The following EXOC4 variants were observed in gnomAD, a reference collection of about 807,000 sequenced individuals.
EXOC4 encodes the protein exocyst complex component 4, also known as SEC8-like 1.
In EXOC4, 71 loss-of-function variants were observed where a neutral mutation model predicts 107.2. The ratio of observed to expected loss-of-function variants is 0.66; its 90% confidence interval spans 0.55 to 0.81. The LOEUF is 0.81. Among genes scored for constraint, EXOC4 ranks in the 30% least tolerant of loss-of-function variants. The pLI, the probability that EXOC4 is intolerant of heterozygous loss-of-function variation, is 0.00. For synonymous variants in EXOC4, 456 were observed against 441.2 expected (o/e 1.03, Z -0.42); for missense variants, 1,108 against 1,189.6 (o/e 0.93, Z 1.01).
intron 2 of EXOC4, among the ~76,000 whole-genome samples, chr7:133,281,023 G>A (rs978514214): frequency 4.9e-4 from 75 of 152,264 alleles, no homozygotes; most frequent in African/African-American, 1.8e-3. Context: ...AAGTTCAGGT[G>A]TGTGTGTATT....
chr7:133,366,487 C>T, intron 6 of EXOC4, among the ~76,000 whole-genome samples: 1 of 152,030 alleles, frequency 6.6e-6, no homozygotes, highest in East Asian at 1.9e-4. Flanking sequence ...ATTTTATTGC[C>T]ATATTATTAA....
At chr7:133,797,246 A>G (rs914451804) in intron 10 of EXOC4, among the ~76,000 whole-genome samples, 3 of 152,210 alleles carry the variant, frequency 2.0e-5, no homozygotes, top group African/African-American at 7.2e-5. Flanking sequence ...CCACTCTATT[A>G]ATAGAGCCAT....
chr7:133,794,042 C>T (rs28373748), intron 10 of EXOC4, among the ~76,000 whole-genome samples: 270 of 152,204 alleles, frequency 1.8e-3, no homozygotes, highest in African/African-American at 6.2e-3. Flanking sequence ...GTCTTTCCCT[C>T]CATATGCAGT....
Position 133,880,411 on chromosome 7 carries a change from G to C in EXOC4, c.1735-15188G>C, listed in dbSNP as rs1247093254. ...TGAAGTGTGCATGGGTATGTGTTGG[G>C]AAAGGAGGGTGTTGGGGATATTTCT... On this transcript the variant is annotated intron_variant, in intron 11 of 17. Transcript: ENST00000253861. Among the ~76,000 whole-genome samples, 3 of 152,310 alleles carry C rather than the reference G, an allele frequency of 2.0e-5. No homozygotes were observed. In the East Asian group the frequency reaches 5.8e-4, roughly 29 times the overall value.
intron 7 of EXOC4, among the ~76,000 whole-genome samples, chr7:133,473,897 TC>T (rs1370920344): frequency 1.3e-5 from 2 of 152,114 alleles, no homozygotes; most frequent in Non-Finnish European, 2.9e-5. Context: ...AGACAGGGTT[TC>T]ACTGTGTTAG....
chr7:134,043,230 G>C (rs1795564622), intron 17 of EXOC4, among the ~76,000 whole-genome samples: 1 of 152,144 alleles, frequency 6.6e-6, no homozygotes, highest in Non-Finnish European at 1.5e-5. Flanking sequence ...GCAAGGACTG[G>C]AATAGATGCC....
intron 9 of EXOC4, among the ~76,000 whole-genome samples, chr7:133,512,772 G>A (rs1412608351): frequency 6.6e-6 from 1 of 152,152 alleles, no homozygotes; most frequent in African/African-American, 2.4e-5. Context: ...CTCCTTCTAC[G>A]CCTCAGTCTG....
intron 11 of EXOC4, among the ~76,000 whole-genome samples, chr7:133,848,880 G>A (rs962693910): frequency 2.0e-5 from 3 of 152,110 alleles, no homozygotes; most frequent in African/African-American, 7.2e-5. Context: ...TCAGAACCTC[G>A]CATGTGGTAG....
At chr7:133,906,988 A>G (rs1219081794) in intron 12 of EXOC4, among the ~76,000 whole-genome samples, 1 of 152,192 alleles carries the variant, frequency 6.6e-6, no homozygotes, top group Non-Finnish European at 1.5e-5. Flanking sequence ...ACCCCAGGTC[A>G]GAGAACACGA....
intron 14 of EXOC4, among the ~76,000 whole-genome samples, chr7:133,939,186 A>G (rs1483662211): frequency 3.9e-5 from 6 of 152,236 alleles, no homozygotes; most frequent in East Asian, 1.9e-4. Context: ...TAGAAAGAAA[A>G]CACATTATTT....
At chr7:134,060,494 G>A (rs1472479182) in intron 17 of EXOC4, among the ~76,000 whole-genome samples, 1 of 152,198 alleles carries the variant, frequency 6.6e-6, no homozygotes, top group Non-Finnish European at 1.5e-5. Context: ...AATGGAAAAT[G>A]TGTTGCCCTG....
chr7:134,080,935 G>A, the EXOC4 span, among the ~76,000 whole-genome samples: 13 of 152,096 alleles, frequency 8.5e-5, no homozygotes, highest in African/African-American at 1.2e-4. Context: ...ATGAGACCCT[G>A]TCTCTAAAAA....
intron 14 of EXOC4, among the ~76,000 whole-genome samples, chr7:133,955,009 C>T (rs1360161464): frequency 6.6e-6 from 1 of 152,228 alleles, no homozygotes; most frequent in Non-Finnish European, 1.5e-5. Context: ...ATGTCACAGC[C>T]CTGGCTCGGG....
Position 133,271,957 on chromosome 7 carries a change from C to T in EXOC4, c.87-3025C>T, listed in dbSNP as rs573441848. 1.1e-4 allele frequency among the ~76,000 whole-genome samples: 16 copies of T among 151,914 alleles called. No homozygotes were observed. In the East Asian group the frequency reaches 1.5e-3, roughly 15 times the overall value. Reference sequence around the variant, plus strand: ...AGTTAAGTGATCTAGTATTTGGGGGCGGTGGGATTTTAACTTTTGTCTTCA... The same window carrying T: ...AGTTAAGTGATCTAGTATTTGGGGGTGGTGGGATTTTAACTTTTGTCTTCA... On this transcript the variant is annotated intron_variant, in intron 1 of 17. Coordinates refer to ENST00000253861, the MANE Select transcript of EXOC4 (RefSeq NM_021807.4).
chr7:134,016,282 C>CT (rs1238444778), intron 17 of EXOC4, among the ~76,000 whole-genome samples: 1 of 152,110 alleles, frequency 6.6e-6, no homozygotes, highest in South Asian at 2.1e-4. Flanking sequence ...CAGCATGGAG[C>CT]TATTTAAAAC....
At chr7:133,849,956 A>C (rs1798208241) in intron 11 of EXOC4, among the ~76,000 whole-genome samples, 1 of 152,212 alleles carries the variant, frequency 6.6e-6, no homozygotes, top group South Asian at 2.1e-4. Flanking sequence ...ATGAAATATT[A>C]CTGTTTTCAA....
intron 7 of EXOC4, among the ~76,000 whole-genome samples, chr7:133,404,733 TGAAAA>T (rs1797172841): frequency 6.6e-6 from 1 of 151,794 alleles, no homozygotes; most frequent in African/African-American, 2.4e-5. Context: ...AGAGGTGAAA[TGAAAA>T]GAAAAGGCTG....
chr7:133,575,251 C>T (rs1801104009), intron 9 of EXOC4, among the ~76,000 whole-genome samples: 1 of 152,136 alleles, frequency 6.6e-6, no homozygotes, highest in Non-Finnish European at 1.5e-5. Flanking sequence ...CTTGTCTCTC[C>T]TGTTTCTGGT....
intron 10 of EXOC4, among the ~76,000 whole-genome samples, chr7:133,713,539 A>G (rs1322065066): frequency 6.6e-6 from 1 of 152,220 alleles, no homozygotes; most frequent in Non-Finnish European, 1.5e-5. Context: ...AAAAATAAGT[A>G]AACAAACACA....
Sources: gnomAD v4.1 joint callset for allele counts (sites outside exome capture counted in the v4.1 genomes callset) on GRCh38, gnomAD v4.1.1 for gene constraint, MANE v1.5 for transcripts, NCBI Gene and HGNC (gene_info 2026-07-23, HGNC 2026-07-21) for gene names.